STIM1: variants seen among roughly 807,000 people sequenced by gnomAD.
STIM1 encodes stromal interaction molecule 1.
Under a neutral mutation model 74.7 loss-of-function variants are expected in STIM1, and 25 were observed. That is an observed-to-expected ratio of 0.33 (90% CI 0.24 to 0.47). The LOEUF (loss-of-function observed/expected upper bound fraction) is 0.47, where lower values mean the gene tolerates loss of function less well. Ranked by LOEUF, STIM1 falls within the 20% of genes least tolerant of loss-of-function variation. The probability of loss-of-function intolerance (pLI) is 1.00; values close to 1 mark genes in which losing one functional copy is unlikely to be tolerated. For synonymous variants in STIM1, 328 were observed against 348.8 expected (o/e 0.94, Z 0.66); for missense variants, 728 against 920.8 (o/e 0.79, Z 2.71).
chr11:3,995,499 CA>C (rs1439367529), intron 2 of STIM1, among the ~76,000 whole-genome samples: 7 of 152,298 alleles, frequency 4.6e-5, no homozygotes, highest in Admixed American at 2.0e-4. Context: ...TGGCCACACC[CA>C]GCTTTTTAGG....
intron 12 of STIM1, chr11:4,086,910 C>G: frequency 1.3e-6 from 2 of 1,500,004 alleles, no homozygotes; most frequent in Non-Finnish European, 1.8e-6. Context: ...CTTTCTGCTG[C>G]TTTTACCTTG....
chr11:3,985,414 C>T (rs1240302421), intron 2 of STIM1, among the ~76,000 whole-genome samples: 2 of 151,926 alleles, frequency 1.3e-5, no homozygotes, highest in African/African-American at 2.4e-5. Context: ...TTAGATGTGT[C>T]TGTGTAAGAC....
Position 3,909,798 on chromosome 11 carries a change from AAAAAAAAAAG to A in STIM1, c.139+53400_139+53409del, listed in dbSNP as rs1467810409. On this transcript the variant is annotated intron_variant, in intron 1 of 12. Coordinates refer to ENST00000526596, the MANE Select transcript of STIM1 (RefSeq NM_001382567.1). ...CAGAGCGAGACTCCATCTCAAAGAAAAAAAAAAAAGAAAAAAAAAGTCATCTTGTGGTATT... is the reference window on the plus strand; with the variant it reads ...CAGAGCGAGACTCCATCTCAAAGAAAAAAAAAAAAGTCATCTTGTGGTATT... Among the ~76,000 whole-genome samples the A allele has an allele frequency of 6.6e-5, 10 of 151,582 alleles. No individual in the cohort carries two copies. The East Asian group carries it at 1.7e-3, about 26-fold the overall frequency.
intron 1 of STIM1, among the ~76,000 whole-genome samples, chr11:3,954,700 C>A (rs145641906): frequency 6.6e-6 from 1 of 152,042 alleles, no homozygotes; most frequent in African/African-American, 2.4e-5. Flanking sequence ...CCTTCCATAC[C>A]GAAAGAATTC....
Position 3,880,155 on chromosome 11 carries a change from A to C in STIM1, c.139+23746A>C, listed in dbSNP as rs544228831. ...CCTCATGACCCTTAGTAAATCATTAATCTCTCTGAGCCTTAGGGCCACTGA... is the reference window on the plus strand; with the variant it reads ...CCTCATGACCCTTAGTAAATCATTACTCTCTCTGAGCCTTAGGGCCACTGA... On this transcript the variant is annotated intron_variant, in intron 1 of 12. Transcript: ENST00000526596. 3.9e-5 allele frequency among the ~76,000 whole-genome samples: 6 copies of C among 152,138 alleles called. No individual in the cohort carries two copies. In the East Asian group the frequency reaches 9.7e-4, roughly 24 times the overall value.
intron 2 of STIM1, 47 bp from the exon 3 acceptor site, chr11:4,023,826 G>T (rs1221267405): frequency 6.7e-7 from 1 of 1,487,074 alleles, no homozygotes; most frequent in Non-Finnish European, 9.4e-7. Flanking sequence ...ATCTTGACGG[G>T]CTGACTCCTA....
intron 3 of STIM1, among the ~76,000 whole-genome samples, chr11:4,029,850 G>A (rs1285714840): frequency 6.6e-6 from 1 of 152,082 alleles, no homozygotes; most frequent in East Asian, 1.9e-4. Context: ...GTCTTTATTT[G>A]TAAGTTTGGT....
intron 2 of STIM1, 72 bp downstream of exon 2, chr11:3,967,754 G>A (rs1227373159): frequency 2.4e-5 from 38 of 1,601,778 alleles, no homozygotes; most frequent in Non-Finnish European, 3.1e-5. Flanking sequence ...TACTTAGACA[G>A]CCTCTTCCCT....
intron 1 of STIM1, among the ~76,000 whole-genome samples, chr11:3,869,020 G>T (rs1276752275): frequency 6.6e-6 from 1 of 151,918 alleles, no homozygotes. Context: ...CCAGGCTGGA[G>T]TGCAGTGGCG....
In STIM1 at chr11:4,073,316, T is replaced by C. The variant is rs73417145; in HGVS notation, c.792-1186T>C. ...CTCTTCCAAAGGGATTAGCAAACTC[T>C]CAGTCTTTGTTCTGGGTGTAGCCCA... is the stretch of plus-strand genomic sequence containing the variant. On this transcript the variant is annotated intron_variant, in intron 6 of 12. Coordinates refer to ENST00000526596, the MANE Select transcript of STIM1 (RefSeq NM_001382567.1). Among the ~76,000 whole-genome samples, 1,299 of 152,310 alleles carry C rather than the reference T, an allele frequency of 8.5e-3. 17 individuals carry two copies. Among genetic ancestry groups the C allele is most frequent in the African/African-American group, 0.03 (1,242 of 41,556 alleles).
intron 1 of STIM1, among the ~76,000 whole-genome samples, chr11:3,874,969 T>C (rs906039951): frequency 2.0e-5 from 3 of 151,980 alleles, no homozygotes; most frequent in Admixed American, 6.6e-5. Flanking sequence ...TTTTTTTTTT[T>C]AATTTTTATT....
At chr11:3,940,239 T>TAC (rs762180635) in intron 1 of STIM1, among the ~76,000 whole-genome samples, 35 of 152,192 alleles carry the variant, frequency 2.3e-4, no homozygotes, top group Non-Finnish European at 4.3e-4. Flanking sequence ...TGTTAGGTGC[T>TAC]ACAGAGGAAG....
intron 3 of STIM1, among the ~76,000 whole-genome samples, chr11:4,039,919 G>A (rs1290459669): frequency 2.0e-5 from 3 of 151,842 alleles, no homozygotes; most frequent in Non-Finnish European, 2.9e-5. Context: ...AGGTGCCCAC[G>A]ATGACGCCCA....
intron 12 of STIM1, 134 bp from the exon 13 acceptor site, chr11:4,091,148 C>G: frequency 8.1e-7 from 1 of 1,242,112 alleles, no homozygotes; most frequent in African/African-American, 1.5e-5. Context: ...TCCTATTTCT[C>G]TCTCCTGCCG....
At chr11:4,020,162 G>T (rs2093942604) in intron 2 of STIM1, among the ~76,000 whole-genome samples, 1 of 152,140 alleles carries the variant, frequency 6.6e-6, no homozygotes, top group Admixed American at 6.5e-5. Context: ...GTATGCTGTT[G>T]TGTAAATATA....
At chr11:4,054,782 T>C (rs1370143279) in intron 3 of STIM1, among the ~76,000 whole-genome samples, 1 of 152,238 alleles carries the variant, frequency 6.6e-6, no homozygotes, top group East Asian at 1.9e-4. Flanking sequence ...GTCTTCATTC[T>C]GTATTGAGTG....
chr11:3,919,820 G>A (rs942089352), intron 1 of STIM1, among the ~76,000 whole-genome samples: 2 of 152,160 alleles, frequency 1.3e-5, no homozygotes, highest in African/African-American at 4.8e-5. Context: ...GTACAGGCCT[G>A]TAATCCCTGC....
chr11:3,929,076 C>T (rs1328475681), intron 1 of STIM1, among the ~76,000 whole-genome samples: 1 of 152,152 alleles, frequency 6.6e-6, no homozygotes, highest in Non-Finnish European at 1.5e-5. Context: ...GTCTCGAACT[C>T]CTGATCTCAA....
At chr11:4,017,457 G>A (rs895432296) in intron 2 of STIM1, among the ~76,000 whole-genome samples, 3 of 152,080 alleles carry the variant, frequency 2.0e-5, no homozygotes, top group Non-Finnish European at 4.4e-5. Flanking sequence ...TTCTTTCTGA[G>A]TTTCTCTGCT....
Sources: gnomAD v4.1 joint callset for allele counts (sites outside exome capture counted in the v4.1 genomes callset) on GRCh38, gnomAD v4.1.1 for gene constraint, MANE v1.5 for transcripts, NCBI Gene and HGNC (gene_info 2026-07-23, HGNC 2026-07-21) for gene names.